The following CUBN variants were observed in gnomAD, a reference collection of about 807,000 sequenced individuals.
CUBN encodes the protein cubilin.
In CUBN, 282 loss-of-function variants were observed where a neutral mutation model predicts 405.3. The observed-to-expected ratio is 0.70, with a 90% CI of 0.63 to 0.77. The LOEUF (loss-of-function observed/expected upper bound fraction) is 0.77, where lower values mean the gene tolerates loss of function less well. CUBN is among the 30% of genes least tolerant of loss of function. The probability of loss-of-function intolerance (pLI) is 0.00; values close to 1 mark genes in which losing one functional copy is unlikely to be tolerated. For synonymous variants in CUBN, 1,684 were observed against 1,617.0 expected, an observed-to-expected ratio of 1.04 and a Z score of -0.99; for missense variants, 4,514 against 4,475.2, an observed-to-expected ratio of 1.01 and a Z score of -0.25.
intron 27 of CUBN, among the ~76,000 whole-genome samples, chr10:17,025,578 TCTAA>T (rs1834638561): frequency 6.6e-6 from 1 of 152,234 alleles, no homozygotes. Flanking sequence ...AAATTGTTAC[TCTAA>T]CTCTTTGTCA....
At chr10:17,054,263 G>A (rs1330745632) in intron 22 of CUBN, among the ~76,000 whole-genome samples, 6 of 151,106 alleles carry the variant, frequency 4.0e-5, no homozygotes, top group South Asian at 4.2e-4. Context: ...ACCAGGAGGC[G>A]GAGGTTGCAG....
At chr10:17,099,868 T>C (rs1836458053) in intron 14 of CUBN, 137 bp downstream of exon 14, 1 of 323,418 alleles carries the variant, frequency 3.1e-6, no homozygotes. Context: ...AATAAATGAA[T>C]AAAATAAAAT....
intron 43 of CUBN, 81 bp from the exon 44 acceptor site, chr10:16,920,218 G>A (rs1283748644): frequency 7.3e-7 from 1 of 1,378,204 alleles, no homozygotes; most frequent in Non-Finnish European, 1.0e-6. Context: ...TTTTAAAGTC[G>A]ACTTCTCTGT....
At chr10:17,045,523 CT>C (rs1461626536) in intron 24 of CUBN, among the ~76,000 whole-genome samples, 1 of 151,856 alleles carries the variant, frequency 6.6e-6, no homozygotes, top group Non-Finnish European at 1.5e-5. Flanking sequence ...CCACGTCCAG[CT>C]AATTTTTGTA....
At chr10:16,909,027 T>C (rs780801) in intron 48 of CUBN, among the ~76,000 whole-genome samples, 107,648 of 149,480 alleles carry the variant, frequency 0.72, 39,016 homozygotes, top group East Asian at 0.8. Context: ...GGACTACAGG[T>C]GCCCGCCACC....
intron 27 of CUBN, 145 bp downstream of exon 27, chr10:17,040,888 T>C: frequency 1.4e-6 from 1 of 703,444 alleles, no homozygotes; most frequent in Non-Finnish European, 2.5e-6. Context: ...GAAATATACC[T>C]GTTCAAATAC....
chr10:17,007,580 T>C (rs1198085526), intron 28 of CUBN, among the ~76,000 whole-genome samples: 1 of 149,292 alleles, frequency 6.7e-6, no homozygotes. Context: ...ACTCTCTGCT[T>C]GGTGTTTGGA....
chr10:16,943,882 G>A (rs1283531890), intron 36 of CUBN, among the ~76,000 whole-genome samples: 1 of 152,200 alleles, frequency 6.6e-6, no homozygotes, highest in African/African-American at 2.4e-5. Context: ...AAGACATTCC[G>A]TTGGACATGG....
intron 25 of CUBN, among the ~76,000 whole-genome samples, chr10:17,044,502 A>C (rs1835080283): frequency 1.3e-5 from 2 of 152,066 alleles, no homozygotes; most frequent in South Asian, 2.1e-4. Context: ...AGCCCAATAC[A>C]TATTGTAATG....
intron 32 of CUBN, among the ~76,000 whole-genome samples, chr10:16,953,002 G>T (rs1842959495): frequency 1.3e-5 from 2 of 152,192 alleles, no homozygotes; most frequent in African/African-American, 2.4e-5. Context: ...GGTGCCCCAG[G>T]GATGTGGGTG....
chr10:17,105,262 A>C (rs111441207), intron 11 of CUBN, among the ~76,000 whole-genome samples, 195 bp downstream of exon 11: 1 of 152,214 alleles, frequency 6.6e-6, no homozygotes, highest in Admixed American at 6.5e-5. Flanking sequence ...TAAACCACTG[A>C]GACAAAAAAT....
In CUBN at chr10:16,963,187, C is replaced by CTTTTTTTTTTTTTTTTTTTTTTTTTT. The variant is rs1189695066; in HGVS notation, c.4696-8640_4696-8639insAAAAAAAAAAAAAAAAAAAAAAAAAA. Among the ~76,000 whole-genome samples the CTTTTTTTTTTTTTTTTTTTTTTTTTT allele has an allele frequency of 7.1e-5, 6 of 84,350 alleles. 2 individuals are homozygous for CTTTTTTTTTTTTTTTTTTTTTTTTTT. The highest frequency in any genetic ancestry group is 1.4e-4 in the Admixed American group (1 of 7,192). The allele number at this position is 84,350 out of a possible 152,430, so 55.3% of individuals were successfully genotyped here. A position where few individuals can be genotyped will look rare whatever the true frequency, so the allele number is the denominator to read the frequency against. ...ATACATTTCTTTTTTCTTTTCTTTT[C>CTTTTTTTTTTTTTTTTTTTTTTTTTT]TTTTTTTTCTTTTTTTTTTTTTTTT... On this transcript the variant is annotated intron_variant, in intron 31 of 66. Coordinates refer to ENST00000377833, the MANE Select transcript of CUBN (RefSeq NM_001081.4).
intron 66 of CUBN, among the ~76,000 whole-genome samples, chr10:16,825,309 G>A (rs1486864429): frequency 6.6e-6 from 1 of 152,046 alleles, no homozygotes; most frequent in East Asian, 1.9e-4. Context: ...ACTGCAAATG[G>A]GTACTGGGTT....
intron 41 of CUBN, among the ~76,000 whole-genome samples, chr10:16,926,343 T>C (rs1333419319): frequency 4.6e-5 from 7 of 152,146 alleles, no homozygotes; most frequent in Non-Finnish European, 1.0e-4. Flanking sequence ...GGCTAGGTCA[T>C]GCAGGAAACT....
intron 56 of CUBN, among the ~76,000 whole-genome samples, chr10:16,883,714 T>C (rs189358884): frequency 7.9e-4 from 120 of 152,294 alleles, no homozygotes; most frequent in African/African-American, 2.3e-3. Context: ...AAATATTAGG[T>C]GTGAATCTGG....
intron 17 of CUBN, among the ~76,000 whole-genome samples, chr10:17,077,823 C>G (rs1835884351): frequency 6.6e-6 from 1 of 152,156 alleles, no homozygotes; most frequent in Non-Finnish European, 1.5e-5. Context: ...ATCTCAAAAT[C>G]ATTTACTTTG....
At chr10:16,857,578 A>G (rs1351211718) in intron 59 of CUBN, among the ~76,000 whole-genome samples, 1 of 152,248 alleles carries the variant, frequency 6.6e-6, no homozygotes, top group African/African-American at 2.4e-5. Flanking sequence ...GCAAAATGAC[A>G]TGATCATGTC....
intron 14 of CUBN, among the ~76,000 whole-genome samples, chr10:17,098,917 A>T (rs1588640772): frequency 6.6e-6 from 1 of 152,196 alleles, no homozygotes; most frequent in South Asian, 2.1e-4. Context: ...AAAGAGAACT[A>T]AATTTAAAAA....
At chr10:17,099,211 T>C (rs1012501377) in intron 14 of CUBN, among the ~76,000 whole-genome samples, 5 of 152,164 alleles carry the variant, frequency 3.3e-5, no homozygotes, top group Admixed American at 6.5e-5. Context: ...CACAGATGTA[T>C]TGATGAATGA....
Sources: gnomAD v4.1 joint callset for allele counts (sites outside exome capture counted in the v4.1 genomes callset) on GRCh38, gnomAD v4.1.1 for gene constraint, MANE v1.5 for transcripts, NCBI Gene and HGNC (gene_info 2026-07-23, HGNC 2026-07-21) for gene names.